FSHR: variants seen among roughly 807,000 people sequenced by gnomAD.
The protein encoded by FSHR is follicle stimulating hormone receptor.
FSHR carries 46 observed loss-of-function variants against 52.1 expected under a neutral mutation model. That is an observed-to-expected ratio of 0.88 (90% CI 0.70 to 1.13). The LOEUF (loss-of-function observed/expected upper bound fraction) is 1.13. Ranked by LOEUF, FSHR falls within the 50% of genes most tolerant of loss-of-function variation. The pLI, the probability that FSHR is intolerant of heterozygous loss-of-function variation, is 0.00. For synonymous variants in FSHR, 399 were observed against 309.6 expected (o/e 1.29, Z -3.03); for missense variants, 964 against 834.6 (o/e 1.16, Z -1.91).
At chr2:49,133,575 G>C (rs1219834075) in intron 1 of FSHR, among the ~76,000 whole-genome samples, 1 of 152,026 alleles carries the variant, frequency 6.6e-6, no homozygotes, top group Non-Finnish European at 1.5e-5. Flanking sequence ...CTACTTTAAA[G>C]TTCATATGGA....
At chr2:49,101,915 A>G (rs1225771821) in intron 1 of FSHR, among the ~76,000 whole-genome samples, 1 of 152,136 alleles carries the variant, frequency 6.6e-6, no homozygotes. Context: ...GTGCTAGCTC[A>G]GGTGTCTCTT....
intron 8 of FSHR, among the ~76,000 whole-genome samples, chr2:48,975,426 A>G (rs1040607353): frequency 7.2e-5 from 11 of 152,122 alleles, no homozygotes; most frequent in African/African-American, 2.7e-4. Flanking sequence ...CACCCAATGT[A>G]TCATTCTACT....
intron 4 of FSHR, among the ~76,000 whole-genome samples, chr2:48,994,041 A>C (rs1002980208): frequency 6.6e-6 from 1 of 152,160 alleles, no homozygotes; most frequent in Non-Finnish European, 1.5e-5. Flanking sequence ...GAATCATATG[A>C]GGGCAAGATT....
chr2:49,110,428 AATTGTAAATC>A (rs1166173733), intron 1 of FSHR, among the ~76,000 whole-genome samples: 2 of 152,156 alleles, frequency 1.3e-5, no homozygotes, highest in Admixed American at 1.3e-4. Context: ...AGAACACTTG[AATTGTAAATC>A]ATTTATTTCT....
intron 1 of FSHR, among the ~76,000 whole-genome samples, chr2:49,070,468 A>G (rs1669688351): frequency 6.6e-6 from 1 of 152,206 alleles, no homozygotes; most frequent in African/African-American, 2.4e-5. Context: ...AACACAAGAC[A>G]GAAGAATGAT....
At chr2:49,042,273 C>T (rs996328279) in intron 2 of FSHR, among the ~76,000 whole-genome samples, 3 of 152,136 alleles carry the variant, frequency 2.0e-5, no homozygotes, top group African/African-American at 7.2e-5. Context: ...GGACATTAAA[C>T]CTGTGGCTGG....
chr2:49,096,966 C>G (rs62162106), intron 1 of FSHR, among the ~76,000 whole-genome samples: 21,637 of 152,062 alleles, frequency 0.14, 1,570 homozygotes, highest in East Asian at 0.23. Context: ...GTCTCCCCAG[C>G]CCCAGAAGCC....
intron 2 of FSHR, among the ~76,000 whole-genome samples, chr2:49,039,115 T>C (rs948749464): frequency 2.1e-5 from 3 of 141,606 alleles, no homozygotes; most frequent in South Asian, 2.3e-4. Context: ...CAGAATGATA[T>C]ATATTTTTTT....
At chr2:48,964,902 C>T (rs557887773) in intron 9 of FSHR, among the ~76,000 whole-genome samples, 1 of 151,810 alleles carries the variant, frequency 6.6e-6, no homozygotes, top group South Asian at 2.1e-4. Context: ...TATCAATACT[C>T]TGGATGTAGA....
chr2:49,047,136 G>A lies in FSHR; in HGVS notation c.224+21083C>T, dbSNP rs116577394. On this transcript the variant is annotated intron_variant, in intron 2 of 9. Transcript: ENST00000406846. ...TACTCTATATGTAGGATTTTTTGTT[G>A]TTGTTTTGGGACTTGGTGCTGCAGT... 1.4e-3 allele frequency among the ~76,000 whole-genome samples: 212 copies of A among 152,174 alleles called. 1 individual carries two copies. Among genetic ancestry groups the A allele is most frequent in the African/African-American group, 5.0e-3 (208 of 41,532 alleles).
At chr2:49,078,430 C>A (rs984615021) in intron 1 of FSHR, among the ~76,000 whole-genome samples, 1 of 152,124 alleles carries the variant, frequency 6.6e-6, no homozygotes, top group Admixed American at 6.6e-5. Context: ...CTCTCCAACC[C>A]TTTTTATGTG....
intron 1 of FSHR, among the ~76,000 whole-genome samples, chr2:49,068,906 T>G (rs1189560980): frequency 1.3e-5 from 2 of 152,104 alleles, no homozygotes; most frequent in Non-Finnish European, 2.9e-5. Context: ...AGTTTTCCAC[T>G]TTCTTAGACA....
intron 1 of FSHR, among the ~76,000 whole-genome samples, chr2:49,072,451 G>A (rs1286227226): frequency 6.6e-6 from 1 of 152,090 alleles, no homozygotes; most frequent in Non-Finnish European, 1.5e-5. Context: ...AAAAATTAAT[G>A]AGCCAAGCTT....
intron 2 of FSHR, among the ~76,000 whole-genome samples, chr2:49,030,727 C>T (rs1025485724): frequency 5.9e-5 from 9 of 152,126 alleles, no homozygotes; most frequent in Non-Finnish European, 7.3e-5. Flanking sequence ...CAGAAATTTA[C>T]AGGTCTGTAT....
At chr2:49,140,417 A>G (rs1672639079) in intron 1 of FSHR, among the ~76,000 whole-genome samples, 1 of 152,162 alleles carries the variant, frequency 6.6e-6, no homozygotes, top group Admixed American at 6.5e-5. Context: ...CTCCCCAGAA[A>G]CTGAGTGATA....
At chr2:49,056,415 A>AT (rs1185634004) in intron 2 of FSHR, among the ~76,000 whole-genome samples, 5 of 149,896 alleles carry the variant, frequency 3.3e-5, no homozygotes, top group African/African-American at 1.2e-4. Flanking sequence ...TAATAAAGGG[A>AT]TCAATTCAGC....
intron 2 of FSHR, among the ~76,000 whole-genome samples, chr2:49,035,803 A>G (rs983271433): frequency 2.0e-5 from 3 of 152,252 alleles, no homozygotes; most frequent in African/African-American, 7.2e-5. Context: ...AAAGGACTAC[A>G]GTCCTTAAAG....
intron 2 of FSHR, among the ~76,000 whole-genome samples, chr2:49,061,545 AATAC>A (rs1419305723): frequency 6.8e-6 from 1 of 146,090 alleles, no homozygotes; most frequent in Non-Finnish European, 1.5e-5. Flanking sequence ...TATAAAAATA[AATAC>A]ATATATACAT....
intron 8 of FSHR, among the ~76,000 whole-genome samples, chr2:48,976,049 T>G (rs1674972783): frequency 6.6e-6 from 1 of 152,218 alleles, no homozygotes. Flanking sequence ...AGAGAGGGCA[T>G]CTTTGTCTTG....
Sources: gnomAD v4.1 joint callset for allele counts (sites outside exome capture counted in the v4.1 genomes callset) on GRCh38, gnomAD v4.1.1 for gene constraint, MANE v1.5 for transcripts, NCBI Gene and HGNC (gene_info 2026-07-23, HGNC 2026-07-21) for gene names.